MCM3AP: variants seen among roughly 807,000 people sequenced by gnomAD.
MCM3AP encodes minichromosome maintenance complex component 3 associated protein.
Under a neutral mutation model 184.1 loss-of-function variants are expected in MCM3AP, and 126 were observed. That is an observed-to-expected ratio of 0.68 (90% confidence interval 0.59 to 0.79). The LOEUF (loss-of-function observed/expected upper bound fraction) is 0.79. Among genes scored for constraint, MCM3AP ranks in the 30% least tolerant of loss-of-function variants. The pLI is 0.00. For synonymous variants in MCM3AP, 1,002 were observed against 979.3 expected (o/e 1.02, Z -0.43); for missense variants, 2,496 against 2,479.2 (o/e 1.01, Z -0.14).
In MCM3AP at chr21:46,273,500, G is replaced by A; in HGVS notation, c.2084C>T (p.Pro695Leu). ...GTAGTCCATGGTCCTGCTGAGCACT[G>A]GCAAGGGCCGCAGCTCGTGGGGCAG... ...EPLPHELRPL[P>L]VLSRTMDYLV... The change falls in exon 7 of 28, where the codon CCA (proline) becomes CTA (leucine). Residue 695 changes from proline (P) to leucine (L), a missense_variant. Pro to Leu is a moderately conservative substitution (Grantham distance 98). Transcript: ENST00000291688. 1.2e-6 allele frequency: 2 copies of A among 1,613,942 alleles called. No homozygotes were observed. Among genetic ancestry groups the A allele is most frequent in the Non-Finnish European group, 1.7e-6 (2 of 1,179,864 alleles).
intron 13 of MCM3AP, among the ~76,000 whole-genome samples, chr21:46,262,397 C>T (rs2081051737): frequency 1.3e-5 from 2 of 152,166 alleles, no homozygotes; most frequent in African/African-American, 2.4e-5. Context: ...CCTGTCATCC[C>T]AGCATTTCAG....
In MCM3AP at chr21:46,266,042, G is replaced by A. The variant is rs1175531436; in HGVS notation, c.2914C>T (p.Pro972Ser). The change falls in exon 11 of 28, where the codon CCC becomes TCC. Residue 972 changes from proline to serine, a missense_variant. Coordinates refer to ENST00000291688, the MANE Select transcript of MCM3AP (RefSeq NM_003906.5). ...VGEIVNGGPL[P>S]PVPRHTPVCS... is the part of the protein sequence containing the mutation. ...ACAGGGGTATGACGAGGGACGGGGGGCAATGGCCCTCCGTTCACAATTTCC... is the reference window on the plus strand; with the variant it reads ...ACAGGGGTATGACGAGGGACGGGGGACAATGGCCCTCCGTTCACAATTTCC... The A allele has an allele frequency of 5.6e-6, 9 of 1,612,088 alleles. No homozygotes were observed. The East Asian group carries it at 1.3e-4, about 24-fold the overall frequency.
intron 17 of MCM3AP, among the ~76,000 whole-genome samples, chr21:46,256,150 C>G (rs539714478): frequency 6.6e-6 from 1 of 152,158 alleles, no homozygotes; most frequent in African/African-American, 2.4e-5. Flanking sequence ...AGCCCTGAGG[C>G]CAGGCAAGAG....
rs1006284372 is a variant in MCM3AP, at chr21:46,235,227, A to G, written c.*41T>C. On this transcript the variant is annotated 3_prime_UTR_variant, in exon 28 of 28. Coordinates refer to ENST00000291688, the MANE Select transcript of MCM3AP (RefSeq NM_003906.5). ...ATAACATTATTTTGAGTAAAAACAG[A>G]AACTCTTCGGGAGAGACCCCCTCCC... The G allele has an allele frequency of 3.8e-6, 6 of 1,597,126 alleles. No individual in the cohort carries two copies. The Admixed American group carries it at 5.2e-5, about 14-fold the overall frequency.
At chr21:46,251,739 A>T (rs2080872852) in intron 19 of MCM3AP, 57 bp from the exon 20 acceptor site, 7 of 1,093,270 alleles carry the variant, frequency 6.4e-6, no homozygotes, top group Non-Finnish European at 9.3e-6. Flanking sequence ...CTAATTCTAT[A>T]TTTGAATTAT....
At position 46,240,974 on chromosome 21, in the gene MCM3AP, T is replaced by C. The variant is rs760529173; in HGVS notation, c.5470A>G (p.Ile1824Val). Residue 1824 changes from isoleucine to valine, a missense_variant, in exon 26 of 28, where the codon ATA becomes GTA. Around this residue, in one of 5 missense-constraint regions of MCM3AP, gnomAD observed 1,323 missense variants for 1,273.4 expected, o/e 1.04. Transcript: ENST00000291688. ...TTACGGTGCATGTGAAGCAATGGTA[T>C]GGGAAAATTGTTTGCAGAAGGATGA... Reference protein sequence around the residue: ...PFHPSANNFPIPLLHMHRNWK... With the variant: ...PFHPSANNFPVPLLHMHRNWK... 2 of 1,614,118 alleles carry C rather than the reference T, an allele frequency of 1.2e-6. No homozygotes were observed. The highest frequency in any genetic ancestry group is 2.2e-5 in the East Asian group (1 of 44,890).
At chr21:46,256,762 A>G (rs754318862) in intron 17 of MCM3AP, 27 bp downstream of exon 17, 78 of 1,536,364 alleles carry the variant, frequency 5.1e-5, no homozygotes, top group Non-Finnish European at 6.7e-5. Context: ...GGGAGCCCTG[A>G]CGAGGCAGGC....
At chr21:46,239,318 C>A (rs1040848164) in intron 26 of MCM3AP, among the ~76,000 whole-genome samples, 1 of 152,200 alleles carries the variant, frequency 6.6e-6, no homozygotes, top group Non-Finnish European at 1.5e-5. Flanking sequence ...AGGCACCCAC[C>A]AGGTCTACCA....
intron 15 of MCM3AP, chr21:46,259,467 AAAAAG>A (rs1351132789): frequency 1.9e-5 from 3 of 161,088 alleles, no homozygotes; most frequent in African/African-American, 7.2e-5. Context: ...AAAAAAAAAA[AAAAAG>A]AAAAGTGCAA....
At chr21:46,266,273 A>C in intron 10 of MCM3AP, 107 bp from the exon 11 acceptor site, 3 of 1,241,408 alleles carry the variant, frequency 2.4e-6, no homozygotes, top group Non-Finnish European at 3.3e-6. Flanking sequence ...CACCACAGCC[A>C]TGTGTAAATA....
intron 15 of MCM3AP, among the ~76,000 whole-genome samples, chr21:46,260,028 A>C (rs886281254): frequency 6.6e-6 from 1 of 151,992 alleles, no homozygotes; most frequent in African/African-American, 2.4e-5. Flanking sequence ...GTGAACCCAG[A>C]TCACGCCACT....
At chr21:46,238,799 TATTC>T (rs1200377672) in intron 26 of MCM3AP, among the ~76,000 whole-genome samples, 2 of 152,212 alleles carry the variant, frequency 1.3e-5, no homozygotes, top group Non-Finnish European at 2.9e-5. Flanking sequence ...TTCCAAAACA[TATTC>T]ATTAAGCCTC....
At chr21:46,243,990 AT>A (rs1406444303) in intron 23 of MCM3AP, among the ~76,000 whole-genome samples, 2 of 152,180 alleles carry the variant, frequency 1.3e-5, no homozygotes, top group African/African-American at 4.8e-5. Context: ...GGAAATCTGT[AT>A]TTTAACAAGC....
chr21:46,257,106 G>T, intron 16 of MCM3AP, 120 bp from the exon 17 acceptor site: 2 of 1,353,814 alleles, frequency 1.5e-6, no homozygotes, highest in Non-Finnish European at 2.0e-6. Flanking sequence ...GGTGAGCAAT[G>T]AAACTACCGA....
In MCM3AP at chr21:46,265,324, G is replaced by A. The variant is rs149128310; in HGVS notation, c.3231C>T (p.Asp1077=). 2.0e-5 allele frequency: 33 copies of A among 1,613,506 alleles called. 1 individual carries two copies. Among genetic ancestry groups the A allele is most frequent in the African/African-American group, 1.1e-4 (8 of 74,896 alleles). ...PPPEPVPMYS[D]EDLAQVVDEL... is the part of the protein sequence containing the mutation. ...CCTAGAAAAAAAGAGTCCCTACCTC[G>A]TCAGAGTACATGGGCACGGGCTCTG... is the stretch of plus-strand genomic sequence containing the variant. The change falls in exon 12 of 28, where the codon GAC becomes GAT. Residue 1077 remains aspartate (D), a synonymous_variant. Coordinates refer to ENST00000291688, the MANE Select transcript of MCM3AP (RefSeq NM_003906.5).
intron 15 of MCM3AP, 104 bp downstream of exon 15, chr21:46,260,689 C>T: frequency 1.3e-6 from 1 of 775,836 alleles, no homozygotes; most frequent in Non-Finnish European, 2.2e-6. Context: ...CTTAGACAGG[C>T]AAGATCCATT....
At chr21:46,279,158 C>T (rs922733222) in intron 4 of MCM3AP, among the ~76,000 whole-genome samples, 3 of 151,756 alleles carry the variant, frequency 2.0e-5, no homozygotes, top group South Asian at 4.2e-4. Context: ...CGTGGTGGAG[C>T]GCACCTGTAA....
chr21:46,280,753 G>A (rs1352439337), intron 2 of MCM3AP, among the ~76,000 whole-genome samples, 178 bp from the exon 3 acceptor site: 3 of 152,044 alleles, frequency 2.0e-5, no homozygotes, highest in Admixed American at 6.6e-5. Context: ...CTCTGGCTGC[G>A]GCAGCAGCAG....
intron 8 of MCM3AP, 25 bp from the exon 9 acceptor site, chr21:46,270,588 G>A (rs1223437833): frequency 5.2e-6 from 8 of 1,551,494 alleles, no homozygotes; most frequent in Admixed American, 2.1e-5. Context: ...AGAGAAAAGG[G>A]GTTGGAATGT....
Sources: allele counts gnomAD v4.1 joint callset (sites outside exome capture counted in the v4.1 genomes callset), GRCh38; gene constraint gnomAD v4.1.1; regional missense constraint gnomAD v4.1.1; transcripts MANE v1.5; gene names NCBI Gene and HGNC (gene_info 2026-07-23, HGNC 2026-07-21).